RAB40AL: variants seen among roughly 807,000 people sequenced by gnomAD.
The protein encoded by RAB40AL is RAB40A like.
For synonymous variants in RAB40AL, 65 were observed against 95.2 expected (o/e 0.68, Z 1.85); for missense variants, 171 against 226.7 (o/e 0.75, Z 1.58).
chrX:102,937,391 G>A lies in RAB40AL; in HGVS notation c.73G>A (p.Val25Ile), dbSNP rs755181941. 3.3e-6 allele frequency: 4 copies of A among 1,211,710 alleles called. No individual in the cohort carries two copies. Among genetic ancestry groups the A allele is most frequent in the South Asian group, 1.8e-5 (1 of 56,973 alleles). Residue 25 changes from valine to isoleucine, a missense_variant, in exon 1 of 1, where the codon GTA (valine) becomes ATA (isoleucine). Coordinates refer to ENST00000218249, the MANE Select transcript of RAB40AL (RefSeq NM_001031834.1). Reference sequence around the variant, plus strand: ...GTTCCTGCTGGTGGGCGACAGGGACGTAGGCAAGAGTGAGATCCTGGAGAG... The same window carrying A: ...GTTCCTGCTGGTGGGCGACAGGGACATAGGCAAGAGTGAGATCCTGGAGAG... ...LKFLLVGDRDVGKSEILESLQ... is the reference protein window; with the variant it reads ...LKFLLVGDRDIGKSEILESLQ...
rs142725698 is a variant in RAB40AL, at chrX:102,937,552, C to T, written c.234C>T (p.Thr78=). 8.3e-7 allele frequency: 1 copy of T among 1,208,912 alleles called. No individual in the cohort carries two copies. Among genetic ancestry groups the T allele is most frequent in the African/African-American group, 1.8e-5 (1 of 56,731 alleles). ...CGTCGGGGCAGGGAAGATTTTGTAC[C>T]ATATTCCGCTCCTACTCTCGTGGTG... ...WDTSGQGRFC[T]IFRSYSRGAQ... Residue 78 remains threonine (T), a synonymous_variant, in exon 1 of 1, where the codon ACC becomes ACT. Coordinates refer to ENST00000218249, the MANE Select transcript of RAB40AL (RefSeq NM_001031834.1).
chrX:102,937,958 C>T lies in RAB40AL; in HGVS notation c.640C>T (p.Leu214Phe), dbSNP rs1328155767. Residue 214 changes from leucine (L) to phenylalanine (F), a missense_variant, in exon 1 of 1, where the codon CTC becomes TTC. By Grantham distance (22) the Leu-to-Phe change is conservative. Transcript: ENST00000218249. ...TGTGCATCTGGTGGACAAGCTCCCG[C>T]TCCCCATTGCCTTAAGAAGCCACCT... is the stretch of plus-strand genomic sequence containing the variant. ...TPVHLVDKLP[L>F]PIALRSHLKS... The T allele has an allele frequency of 8.3e-6, 10 of 1,210,591 alleles. No homozygotes were observed. In the African/African-American group the frequency reaches 1.7e-4, roughly 21 times the overall value.
rs150070913 is a variant in RAB40AL, at chrX:102,937,375, G to A, written c.57G>A (p.Leu19=). The change falls in exon 1 of 1, where the codon CTG becomes CTA. Residue 19 remains leucine (L), a synonymous_variant. Coordinates refer to ENST00000218249, the MANE Select transcript of RAB40AL (RefSeq NM_001031834.1). ...ACGACTTCCTGCTCAAGTTCCTGCTGGTGGGCGACAGGGACGTAGGCAAGA... is the reference window on the plus strand; with the variant it reads ...ACGACTTCCTGCTCAAGTTCCTGCTAGTGGGCGACAGGGACGTAGGCAAGA... ...QAYDFLLKFL[L]VGDRDVGKSE... is the part of the protein sequence containing the mutation. The A allele has an allele frequency of 2.6e-5, 32 of 1,210,216 alleles. No individual in the cohort carries two copies. The highest frequency in any genetic ancestry group is 3.5e-5 in the Non-Finnish European group (31 of 895,303).
At position 102,937,305 on chromosome X, in the gene RAB40AL, G is replaced by T. The variant is rs374065503; in HGVS notation, c.-14G>T. On this transcript the variant is annotated 5_prime_UTR_variant, in exon 1 of 1. Coordinates refer to ENST00000218249, the MANE Select transcript of RAB40AL (RefSeq NM_001031834.1). Reference sequence around the variant, plus strand: ...CTTGCTGGTCTGGCCCAGGCGGGGGGCGGGGCCAGCACGATGAGCGCCCCG... The same window carrying T: ...CTTGCTGGTCTGGCCCAGGCGGGGGTCGGGGCCAGCACGATGAGCGCCCCG... The T allele has an allele frequency of 1.7e-6, 2 of 1,203,250 alleles. No homozygotes were observed. The highest frequency in any genetic ancestry group is 3.5e-5 in the African/African-American group (2 of 57,235).
In RAB40AL at chrX:102,937,458, G is replaced by A. The variant is rs757696594; in HGVS notation, c.140G>A (p.Gly47Glu). Residue 47 changes from glycine (G) to glutamate (E), a missense_variant, in exon 1 of 1, where the codon GGG (glycine) becomes GAG (glutamate). Coordinates refer to ENST00000218249, the MANE Select transcript of RAB40AL (RefSeq NM_001031834.1). ...GCCGAGTCCCCGTACAGTCACCTGG[G>A]GGGAATCGACTACAAGACGACCACC... The part of the protein sequence containing the change: ...GTAESPYSHL[G>E]GIDYKTTTIL... The A allele has an allele frequency of 5.0e-6, 6 of 1,212,107 alleles. No individual in the cohort carries two copies. In the South Asian group the frequency reaches 1.1e-4, roughly 21 times the overall value.
In RAB40AL at chrX:102,938,281, C is replaced by A; in HGVS notation, c.*126C>A. ...TTTTCAGTTTCTCATGGGAACAATGCTGCTTGGGAATGTGTGTGATGCCTT... is the reference window on the plus strand; with the variant it reads ...TTTTCAGTTTCTCATGGGAACAATGATGCTTGGGAATGTGTGTGATGCCTT... On this transcript the variant is annotated 3_prime_UTR_variant, in exon 1 of 1. Transcript: ENST00000218249. 1.1e-6 allele frequency: 1 copy of A among 900,351 alleles called. No homozygotes were observed. Among genetic ancestry groups the A allele is most frequent in the Non-Finnish European group, 1.6e-6 (1 of 632,951 alleles). 74.2% of individuals were successfully genotyped at this position (900,351 alleles called of 1,213,427 possible). A position where few individuals can be genotyped will look rare whatever the true frequency, so the allele number is the denominator to read the frequency against.
rs1569510892 is a variant in RAB40AL at position 102,937,664 on chromosome X, G to T, written c.346G>T (p.Ala116Ser). Reference sequence around the variant, plus strand: ...ATGGATTAAGAAGATTGAGGAACATGCCCCTGGTGTCCCTAAAATCCTGGT... The same window carrying T: ...ATGGATTAAGAAGATTGAGGAACATTCCCCTGGTGTCCCTAAAATCCTGGT... ...DRWIKKIEEH[A>S]PGVPKILVGN... The change falls in exon 1 of 1, where the codon GCC becomes TCC. Residue 116 changes from alanine (A) to serine (S), a missense_variant. Coordinates refer to ENST00000218249, the MANE Select transcript of RAB40AL (RefSeq NM_001031834.1). 2.5e-6 allele frequency: 3 copies of T among 1,207,654 alleles called. No individual in the cohort carries two copies. The highest frequency in any genetic ancestry group is 3.6e-5 in the African/African-American group (2 of 56,237).
rs776924788 is a variant in RAB40AL at position 102,937,418 on chromosome X, C to A, written c.100C>A (p.Leu34Met). The change falls in exon 1 of 1, where the codon CTG becomes ATG. Residue 34 changes from leucine to methionine, a missense_variant. Leu to Met is a conservative substitution (Grantham distance 15, BLOSUM62 2). Coordinates refer to ENST00000218249, the MANE Select transcript of RAB40AL (RefSeq NM_001031834.1). ...AGGCAAGAGTGAGATCCTGGAGAGC[C>A]TGCAGGACGGCACGGCCGAGTCCCC... ...DVGKSEILESLQDGTAESPYS... is the reference protein window; with the variant it reads ...DVGKSEILESMQDGTAESPYS... 1.7e-6 allele frequency: 2 copies of A among 1,211,849 alleles called. No individual in the cohort carries two copies. Among genetic ancestry groups the A allele is most frequent in the Admixed American group, 4.3e-5 (2 of 46,071 alleles).
Position 102,937,531 on chromosome X carries a change from G to A in RAB40AL, c.213G>A (p.Ser71=), listed in dbSNP as rs937610715. 2 of 1,209,231 alleles carry A rather than the reference G, an allele frequency of 1.7e-6. No individual in the cohort carries two copies. Among genetic ancestry groups the A allele is most frequent in the African/African-American group, 1.8e-5 (1 of 56,903 alleles). ...TGAAGCTGAAGCTCTGGGATACGTC[G>A]GGGCAGGGAAGATTTTGTACCATAT... ...QRVKLKLWDT[S]GQGRFCTIFR... The change falls in exon 1 of 1, where the codon TCG becomes TCA. Residue 71 remains serine, a synonymous_variant. Transcript: ENST00000218249.
chrX:102,938,244 C>A lies in RAB40AL; in HGVS notation c.*89C>A. The A allele has an allele frequency of 9.3e-7, 1 of 1,073,542 alleles. No homozygotes were observed. Among genetic ancestry groups the A allele is most frequent in the Non-Finnish European group, 1.3e-6 (1 of 774,376 alleles). The allele number at this position is 1,073,542 out of a possible 1,213,427, so 88.5% of individuals were successfully genotyped here. A position where few individuals can be genotyped will look rare whatever the true frequency, so the allele number is the denominator to read the frequency against. ...GAAGAGGGAAGATGCATTCTAGATT[C>A]AAAGAAATACGTTTTCAGTTTCTCA... On this transcript the variant is annotated 3_prime_UTR_variant, in exon 1 of 1. Coordinates refer to ENST00000218249, the MANE Select transcript of RAB40AL (RefSeq NM_001031834.1).
chrX:102,937,871 A>G lies in RAB40AL; in HGVS notation c.553A>G (p.Arg185Gly). The stretch of plus-strand genomic sequence containing the variant: ...GCGGCACAGGTTGAACTGGCTCGGG[A>G]GGCCGAGCAAGGTACTGAGCTTGCA... The part of the protein sequence containing the change: ...LLRHRLNWLG[R>G]PSKVLSLQDL... The change falls in exon 1 of 1, where the codon AGG becomes GGG. Residue 185 changes from arginine (R) to glycine (G), a missense_variant. Transcript: ENST00000218249. 1 of 1,211,789 alleles carries G rather than the reference A, an allele frequency of 8.3e-7. No homozygotes were observed. Among genetic ancestry groups the G allele is most frequent in the Non-Finnish European group, 1.1e-6 (1 of 895,498 alleles).
chrX:102,937,657 G>A lies in RAB40AL; in HGVS notation c.339G>A (p.Glu113=), dbSNP rs2084563666. 1.7e-6 allele frequency: 2 copies of A among 1,210,207 alleles called. No individual in the cohort carries two copies. Among genetic ancestry groups the A allele is most frequent in the South Asian group, 3.5e-5 (2 of 56,515 alleles). The change falls in exon 1 of 1, where the codon GAG becomes GAA. Residue 113 remains glutamate, a synonymous_variant. Coordinates refer to ENST00000218249, the MANE Select transcript of RAB40AL (RefSeq NM_001031834.1). ...EGMDRWIKKI[E]EHAPGVPKIL... ...TGGATCGATGGATTAAGAAGATTGA[G>A]GAACATGCCCCTGGTGTCCCTAAAA...
rs780882026 is a variant in RAB40AL at position 102,937,876 on chromosome X, G to A, written c.558G>A (p.Pro186=). 1 of 1,211,998 alleles carries A rather than the reference G, an allele frequency of 8.3e-7. No homozygotes were observed. The highest frequency in any genetic ancestry group is 1.1e-6 in the Non-Finnish European group (1 of 895,540). The change falls in exon 1 of 1, where the codon CCG becomes CCA. Residue 186 remains proline (P), a synonymous_variant. Coordinates refer to ENST00000218249, the MANE Select transcript of RAB40AL (RefSeq NM_001031834.1). The stretch of plus-strand genomic sequence containing the variant: ...ACAGGTTGAACTGGCTCGGGAGGCC[G>A]AGCAAGGTACTGAGCTTGCAAGACC... The part of the protein sequence containing the change: ...LRHRLNWLGR[P]SKVLSLQDLC...
At position 102,937,390 on chromosome X, in the gene RAB40AL, C is replaced by T. The variant is rs372360800; in HGVS notation, c.72C>T (p.Asp24=). 1.2e-5 allele frequency: 14 copies of T among 1,209,965 alleles called. No homozygotes were observed. Among genetic ancestry groups the T allele is most frequent in the Middle Eastern group, 2.3e-4 (1 of 4,373 alleles). ...LLKFLLVGDR[D]VGKSEILESL... is the part of the protein sequence containing the mutation. ...AGTTCCTGCTGGTGGGCGACAGGGA[C>T]GTAGGCAAGAGTGAGATCCTGGAGA... The change falls in exon 1 of 1, where the codon GAC becomes GAT. Residue 24 remains aspartate (D), a synonymous_variant. Transcript: ENST00000218249.
At position 102,937,783 on chromosome X, in the gene RAB40AL, C is replaced by T; in HGVS notation, c.465C>T (p.Val155=). 1 of 1,210,826 alleles carries T rather than the reference C, an allele frequency of 8.3e-7. No homozygotes were observed. Residue 155 remains valine (V), a synonymous_variant, in exon 1 of 1, where the codon GTC becomes GTT. Coordinates refer to ENST00000218249, the MANE Select transcript of RAB40AL (RefSeq NM_001031834.1). Reference sequence around the variant, plus strand: ...GCCTGGGCGTGACCTTCTTTGAGGTCAGCCCTCTGTGCAATTTCAACATCA... The same window carrying T: ...GCCTGGGCGTGACCTTCTTTGAGGTTAGCCCTCTGTGCAATTTCAACATCA... ...AERLGVTFFE[V]SPLCNFNIIE...
At position 102,937,484 on chromosome X, in the gene RAB40AL, A is replaced by G; in HGVS notation, c.166A>G (p.Ile56Val). Reference sequence around the variant, plus strand: ...GGGAATCGACTACAAGACGACCACCATCCTGCTGGACGGCCAGCGGGTGAA... The same window carrying G: ...GGGAATCGACTACAAGACGACCACCGTCCTGCTGGACGGCCAGCGGGTGAA... The part of the protein sequence containing the change: ...LGGIDYKTTT[I>V]LLDGQRVKLK... Residue 56 changes from isoleucine (I) to valine (V), a missense_variant, in exon 1 of 1, where the codon ATC becomes GTC. Coordinates refer to ENST00000218249, the MANE Select transcript of RAB40AL (RefSeq NM_001031834.1). The G allele has an allele frequency of 8.3e-7, 1 of 1,212,002 alleles. No individual in the cohort carries two copies. Among genetic ancestry groups the G allele is most frequent in the Non-Finnish European group, 1.1e-6 (1 of 895,602 alleles).
chrX:102,937,318 G>C lies in RAB40AL; in HGVS notation c.-1G>C, dbSNP rs745798126. The C allele has an allele frequency of 5.9e-5, 71 of 1,208,511 alleles. No individual in the cohort carries two copies. Among genetic ancestry groups the C allele is most frequent in the East Asian group, 5.6e-4 (19 of 33,737 alleles). ...CCCAGGCGGGGGGCGGGGCCAGCAC[G>C]ATGAGCGCCCCGGGCAGCCCCGACC... On this transcript the variant is annotated 5_prime_UTR_variant, in exon 1 of 1. Coordinates refer to ENST00000218249, the MANE Select transcript of RAB40AL (RefSeq NM_001031834.1).
chrX:102,937,339 C>G lies in RAB40AL; in HGVS notation c.21C>G (p.Pro7=), dbSNP rs772415805. MSAPGS[P]DQAYDFLLKF... is the part of the protein sequence containing the mutation. ...GCACGATGAGCGCCCCGGGCAGCCC[C>G]GACCAGGCCTACGACTTCCTGCTCA... Residue 7 remains proline (P), a synonymous_variant, in exon 1 of 1, where the codon CCC becomes CCG. Transcript: ENST00000218249. The G allele has an allele frequency of 6.6e-6, 8 of 1,211,747 alleles. No individual in the cohort carries two copies. The highest frequency in any genetic ancestry group is 8.9e-6 in the Non-Finnish European group (8 of 895,382).
chrX:102,937,864 G>A lies in RAB40AL; in HGVS notation c.546G>A (p.Trp182Ter). 1.7e-6 allele frequency: 2 copies of A among 1,211,913 alleles called. No homozygotes were observed. The highest frequency in any genetic ancestry group is 2.2e-6 in the Non-Finnish European group (2 of 895,529). Residue 182 changes from tryptophan to a stop codon, truncating the protein, a stop_gained, in exon 1 of 1, where the codon TGG becomes TGA. Coordinates refer to ENST00000218249, the MANE Select transcript of RAB40AL (RefSeq NM_001031834.1). LOFTEE classifies it low-confidence loss of function (END_TRUNC). ...RIVLLRHRLNWLGRPSKVLSL... is the reference protein window; with the variant it reads ...RIVLLRHRLN ...TGCTGCTGCGGCACAGGTTGAACTG[G>A]CTCGGGAGGCCGAGCAAGGTACTGA...
Sources: allele counts gnomAD v4.1 joint callset, GRCh38; gene constraint gnomAD v4.1.1; transcripts MANE v1.5; gene names NCBI Gene and HGNC (gene_info 2026-07-23, HGNC 2026-07-21).